SDF4: variants seen among roughly 807,000 people sequenced by gnomAD.
SDF4 encodes stromal cell derived factor 4.
Under a neutral mutation model 34.2 loss-of-function variants are expected in SDF4, and 22 were observed. The observed-to-expected ratio is 0.64, with a 90% CI of 0.46 to 0.92. The LOEUF is 0.92. Among genes scored for constraint, SDF4 ranks in the 40% least tolerant of loss-of-function variants. The pLI, the probability that SDF4 is intolerant of heterozygous loss-of-function variation, is 0.00. For missense variants in SDF4, 447 were observed against 499.9 expected (o/e 0.89, Z 1.01); for synonymous variants, 236 against 203.1 (o/e 1.16, Z -1.38).
At chr1:1,231,802 C>A (rs1454996112) in intron 1 of SDF4, 90 bp downstream of exon 1, 1 of 152,212 alleles carries the variant, frequency 6.6e-6, no homozygotes, top group Non-Finnish European at 1.5e-5. Context: ...AGGCGGGAGG[C>A]GGCGGCGGCC....
rs746017300 is a variant in SDF4, at chr1:1,217,620, G to A, written c.960C>T (p.Asp320=). 1.9e-5 allele frequency: 30 copies of A among 1,613,690 alleles called. No homozygotes were observed. The Admixed American group carries it at 2.0e-4, about 11-fold the overall frequency. The change falls in exon 7 of 7, where the codon GAC becomes GAT. Residue 320 remains aspartate (D), a synonymous_variant. Coordinates refer to ENST00000360001, the MANE Select transcript of SDF4 (RefSeq NM_016176.6). The surrounding 1 kb of genome is among the most constrained non-coding windows in gnomAD (Gnocchi z 8.5). ...GCTCCAGGTGGTGGTTCTGGTTCTC[G>A]TCGGCGACGGCGATCATCTGCTTGG... The part of the protein sequence containing the change: ...NEAKQMIAVA[D]ENQNHHLEPE...
At chr1:1,229,308 G>C (rs1308627038) in intron 1 of SDF4, among the ~76,000 whole-genome samples, 1 of 152,214 alleles carries the variant, frequency 6.6e-6, no homozygotes, top group Non-Finnish European at 1.5e-5. Flanking sequence ...CTGGGCTCAG[G>C]TGATGCTCTC....
At chr1:1,220,900 T>A (rs1489166780) in intron 4 of SDF4, 1 of 497,290 alleles carries the variant, frequency 2.0e-6, no homozygotes, top group African/African-American at 2.0e-5. Flanking sequence ...GGGACCGGGG[T>A]GGAGGCACGA....
intron 2 of SDF4, among the ~76,000 whole-genome samples, chr1:1,227,821 A>C (rs1638360650): frequency 6.6e-6 from 1 of 152,114 alleles, no homozygotes; most frequent in Admixed American, 6.5e-5. Context: ...TCGGGGGAGA[A>C]AGCTCGGCAC....
rs576942823 is a variant in SDF4, at chr1:1,221,826, G to T, written c.556+1418C>A. Among the ~76,000 whole-genome samples, 21 of 152,230 alleles carry T rather than the reference G, an allele frequency of 1.4e-4. No homozygotes were observed. The South Asian group carries it at 4.4e-3, about 32-fold the overall frequency. ...AATACAAAAATTAGCCAGGCGCGGT[G>T]ATGGTGCCTGTGGTCCCAGCTTCTG... On this transcript the variant is annotated intron_variant, in intron 4 of 6. Coordinates refer to ENST00000360001, the MANE Select transcript of SDF4 (RefSeq NM_016176.6).
chr1:1,229,941 ATG>A (rs1638440953), intron 1 of SDF4, among the ~76,000 whole-genome samples: 1 of 119,024 alleles, frequency 8.4e-6, no homozygotes, highest in Non-Finnish European at 1.8e-5. Context: ...TATTACACAC[ATG>A]TGCCCTTGCC....
intron 4 of SDF4, chr1:1,219,208 C>CCG: frequency 7.9e-7 from 1 of 1,258,406 alleles, no homozygotes; most frequent in Non-Finnish European, 1.0e-6. Flanking sequence ...CCTGGACCCC[C>CCG]CCCTGCCCCA....
chr1:1,219,654 C>A, intron 4 of SDF4: 2 of 986,418 alleles, frequency 2.0e-6, no homozygotes, highest in Non-Finnish European at 2.4e-6. Context: ...GCCGTGCCCA[C>A]CCGGCCCCAA....
At chr1:1,222,575 C>T (rs1273699144) in intron 4 of SDF4, among the ~76,000 whole-genome samples, 1 of 152,262 alleles carries the variant, frequency 6.6e-6, no homozygotes, top group African/African-American at 2.4e-5. Context: ...CCCTCAGGCA[C>T]AGGCTGTGCC....
chr1:1,220,456 GC>G, intron 4 of SDF4: 1 of 1,187,778 alleles, frequency 8.4e-7, no homozygotes, highest in Non-Finnish European at 1.1e-6. Flanking sequence ...CAGGAGTGAC[GC>G]CTGCCAGCGC....
intron 4 of SDF4, among the ~76,000 whole-genome samples, chr1:1,222,224 G>A (rs1297188673): frequency 2.6e-5 from 4 of 152,216 alleles, no homozygotes; most frequent in Non-Finnish European, 4.4e-5. Context: ...AAGGGCACAC[G>A]GAGCCCCAGG....
intron 4 of SDF4, chr1:1,220,125 A>C: frequency 1.0e-6 from 1 of 986,976 alleles, no homozygotes; most frequent in Non-Finnish European, 1.2e-6. Flanking sequence ...GGATTCTCAC[A>C]GCCGCCGCCG....
rs76230175 is a variant in SDF4 at position 1,228,799 on chromosome 1, G to A, written c.-27C>T. 11,749 of 1,577,766 alleles carry A rather than the reference G, an allele frequency of 7.4e-3. 752 individuals are homozygous for A. In the African/African-American group the frequency reaches 0.14, roughly 19 times the overall value. On this transcript the variant is annotated 5_prime_UTR_variant, in exon 2 of 7. Transcript: ENST00000360001. ...GCCACCCAGGGCCAGACCATGGGGC[G>A]GGCTGCAGGGTGTGGGCCAGGTGCT...
intron 1 of SDF4, 41 bp from the exon 2 acceptor site, chr1:1,228,987 A>G (rs549271783): frequency 1.7e-6 from 1 of 586,046 alleles, no homozygotes; most frequent in African/African-American, 1.9e-5. Context: ...AGACTCAGCA[A>G]AGACTTCCCC....
rs772408244 is a variant in SDF4, at chr1:1,228,622, G to A, written c.151C>T (p.Pro51Ser). Residue 51 changes from proline (P) to serine (S), a missense_variant, in exon 2 of 7, where the codon CCC becomes TCC. Transcript: ENST00000360001. ...VANREENEIL[P>S]PDHLNGVKLE... ...TTCACCCCGTTCAGGTGGTCTGGGG[G>A]CAGGATCTCATTCTCCTCCCTGTTG... 3.1e-6 allele frequency: 5 copies of A among 1,613,278 alleles called. No homozygotes were observed. The highest frequency in any genetic ancestry group is 4.2e-6 in the Non-Finnish European group (5 of 1,180,032).
intron 2 of SDF4, among the ~76,000 whole-genome samples, chr1:1,225,811 G>C (rs550252456): frequency 2.6e-5 from 4 of 152,112 alleles, no homozygotes; most frequent in East Asian, 1.9e-4. Flanking sequence ...AGACACACAC[G>C]AGGCAGAGCA....
chr1:1,218,604 G>A lies in SDF4; in HGVS notation c.745C>T (p.Pro249Ser). 1.9e-6 allele frequency: 3 copies of A among 1,614,022 alleles called. No homozygotes were observed. Among genetic ancestry groups the A allele is most frequent in the Non-Finnish European group, 2.5e-6 (3 of 1,179,944 alleles). ...CCCACGGGCAGGGAGATGAACTCGGGCACAGAGAGCTGCTTGTCACCGTCC... is the reference window on the plus strand; with the variant it reads ...CCCACGGGCAGGGAGATGAACTCGGACACAGAGAGCTGCTTGTCACCGTCC... ...DQDGDKQLSV[P>S]EFISLPVGTV... is the part of the protein sequence containing the mutation. Residue 249 changes from proline to serine, a missense_variant, in exon 6 of 7, where the codon CCC becomes TCC. Pro to Ser is a moderately conservative substitution (Grantham distance 74). Coordinates refer to ENST00000360001, the MANE Select transcript of SDF4 (RefSeq NM_016176.6). The surrounding 1 kb of genome is among the most constrained non-coding windows in gnomAD (Gnocchi z 7.9).
At chr1:1,224,189 C>A (rs529707097) in intron 2 of SDF4, among the ~76,000 whole-genome samples, 22 of 152,310 alleles carry the variant, frequency 1.4e-4, no homozygotes, top group African/African-American at 5.3e-4. Context: ...GTCCCCTCCC[C>A]GGGGAAACAC....
Position 1,228,855 on chromosome 1 carries a change from A to C in SDF4, c.-83T>G, listed in dbSNP as rs1030693996. 9.1e-6 allele frequency: 12 copies of C among 1,313,382 alleles called. No homozygotes were observed. In the African/African-American group the frequency reaches 1.6e-4, roughly 18 times the overall value. 81.4% of individuals were successfully genotyped at this position (1,313,382 alleles called of 1,614,324 possible). On this transcript the variant is annotated 5_prime_UTR_variant, in exon 2 of 7. Transcript: ENST00000360001. ...GGGCAGGGGCAGGGGCAGAGGAGGAAGTGAGGTCCTGGCTCCAATCCAATC... is the reference window on the plus strand; with the variant it reads ...GGGCAGGGGCAGGGGCAGAGGAGGACGTGAGGTCCTGGCTCCAATCCAATC...
Sources: gnomAD v4.1 joint callset for allele counts (sites outside exome capture counted in the v4.1 genomes callset) on GRCh38, gnomAD v4.1.1 for gene constraint, Gnocchi (gnomAD v3.1) non-coding constraint, MANE v1.5 for transcripts, NCBI Gene and HGNC (gene_info 2026-07-23, HGNC 2026-07-21) for gene names.